Variants in RBFOX2 observed in about 807,000 individuals in gnomAD.
The protein encoded by RBFOX2 is RNA binding fox-1 homolog 2.
In RBFOX2, 10 loss-of-function variants were observed where a neutral mutation model predicts 49.1. That is an observed-to-expected ratio of 0.20 (90% CI 0.13 to 0.35). The LOEUF (loss-of-function observed/expected upper bound fraction) is 0.35, where lower values mean the gene tolerates loss of function less well. Ranked by LOEUF, RBFOX2 falls within the 10% of genes least tolerant of loss-of-function variation. The pLI is 1.00. For missense variants in RBFOX2, 323 were observed against 486.9 expected (o/e 0.66, Z 3.17); for synonymous variants, 183 against 187.4 (o/e 0.98, Z 0.19).
intron 9 of RBFOX2, among the ~76,000 whole-genome samples, chr22:35,753,708 AG>A (rs1213161124): frequency 6.6e-6 from 1 of 151,232 alleles, no homozygotes; most frequent in Non-Finnish European, 1.5e-5. Context: ...TTGTAAAGTA[AG>A]GAAGTAAGAT....
At chr22:36,012,922 G>A (rs530842595) in intron 1 of RBFOX2, among the ~76,000 whole-genome samples, 1 of 151,988 alleles carries the variant, frequency 6.6e-6, no homozygotes, top group African/African-American at 2.4e-5. Context: ...CTGCCACTAC[G>A]CCCAGCAAAT....
intron 1 of RBFOX2, among the ~76,000 whole-genome samples, chr22:35,936,346 C>T (rs2053070668): frequency 6.6e-6 from 1 of 151,944 alleles, no homozygotes; most frequent in African/African-American, 2.4e-5. Flanking sequence ...GCTGAGGAGA[C>T]GTAAAGATCA....
intron 1 of RBFOX2, among the ~76,000 whole-genome samples, chr22:35,923,325 T>C (rs1001355439): frequency 6.6e-6 from 1 of 151,692 alleles, no homozygotes; most frequent in Non-Finnish European, 1.5e-5. Context: ...CTCCAGGCCT[T>C]TCATATCTTT....
chr22:35,920,746 T>C (rs1330629870), intron 1 of RBFOX2, among the ~76,000 whole-genome samples: 1 of 152,214 alleles, frequency 6.6e-6, no homozygotes, highest in Non-Finnish European at 1.5e-5. Context: ...CATGAAATGA[T>C]GCAGCAGACA....
intron 1 of RBFOX2, among the ~76,000 whole-genome samples, chr22:35,954,929 G>C (rs940924522): frequency 6.6e-6 from 1 of 152,182 alleles, no homozygotes; most frequent in Non-Finnish European, 1.5e-5. Context: ...ACTCACAGTA[G>C]GTAAGACTTG....
intron 1 of RBFOX2, among the ~76,000 whole-genome samples, chr22:35,836,959 CAAA>C (rs1957787744): frequency 1.3e-5 from 2 of 152,046 alleles, no homozygotes; most frequent in South Asian, 4.2e-4. Context: ...TCTATATGCC[CAAA>C]AAATAAGAGA....
In RBFOX2 at chr22:35,761,477, C is replaced by T. The variant is rs1367832132; in HGVS notation, c.608-9G>A. The T allele has an allele frequency of 1.2e-6, 2 of 1,613,780 alleles. No individual in the cohort carries two copies. Among genetic ancestry groups the T allele is most frequent in the Non-Finnish European group, 1.7e-6 (2 of 1,179,874 alleles). ...TGGGCTTAATTTCCAACCTGAAACA[C>T]ACAAAATGGAAGGTAAGCATTTAAG... On this transcript the variant is annotated splice_polypyrimidine_tract_variant and intron_variant, in intron 6 of 11. Coordinates refer to ENST00000405409, the Ensembl canonical transcript of RBFOX2.
intron 2 of RBFOX2, among the ~76,000 whole-genome samples, chr22:35,789,145 C>CA (rs879845004): frequency 4.6e-5 from 7 of 151,746 alleles, no homozygotes; most frequent in African/African-American, 1.7e-4. Flanking sequence ...AGATCTGAGA[C>CA]AGTGATATTT....
rs533755258 is a variant in RBFOX2 at position 35,810,243 on chromosome 22, A to G, written c.28-239T>C. ...CACACACTCACTTTTGTTAATGTGTAGTTACTAGACAGGCCCACAACCATA... is the reference window on the plus strand; with the variant it reads ...CACACACTCACTTTTGTTAATGTGTGGTTACTAGACAGGCCCACAACCATA... On this transcript the variant is annotated intron_variant, in intron 1 of 11. Transcript: ENST00000405409. 1.1e-4 allele frequency among the ~76,000 whole-genome samples: 17 copies of G among 150,390 alleles called. No homozygotes were observed. The South Asian group carries it at 2.3e-3, about 21-fold the overall frequency.
chr22:35,813,097 A>G (rs1238504681), intron 1 of RBFOX2, among the ~76,000 whole-genome samples: 4 of 152,194 alleles, frequency 2.6e-5, no homozygotes, highest in African/African-American at 4.8e-5. Context: ...TTATTTTGTT[A>G]CTTACAGAAA....
At chr22:35,802,614 A>T (rs1949984380) in intron 2 of RBFOX2, among the ~76,000 whole-genome samples, 1 of 152,136 alleles carries the variant, frequency 6.6e-6, no homozygotes, top group South Asian at 2.1e-4. Context: ...CAAGGGGGAG[A>T]TTGAAGGAGT....
chr22:35,840,008 C>T (rs553604201), intron 1 of RBFOX2, among the ~76,000 whole-genome samples: 3 of 152,226 alleles, frequency 2.0e-5, no homozygotes, highest in South Asian at 2.1e-4. Context: ...AGAAAGGATA[C>T]GGATACATAA....
chr22:36,018,018 A>T (rs1424784874), intron 1 of RBFOX2, among the ~76,000 whole-genome samples: 1 of 152,228 alleles, frequency 6.6e-6, no homozygotes, highest in Non-Finnish European at 1.5e-5. Context: ...AAAGCAGACC[A>T]AGGGCCAGAC....
chr22:35,800,913 G>C (rs1487262114), intron 2 of RBFOX2, among the ~76,000 whole-genome samples: 8 of 152,180 alleles, frequency 5.3e-5, no homozygotes. Context: ...ACACGAATTT[G>C]GCTTTGCCTA....
intron 1 of RBFOX2, among the ~76,000 whole-genome samples, chr22:36,008,512 CT>C (rs1307248784): frequency 2.0e-5 from 3 of 152,006 alleles, no homozygotes; most frequent in Non-Finnish European, 4.4e-5. Context: ...ATGGTTTCTC[CT>C]AGAGGTTTAA....
exon 1 of RBFOX2, chr22:36,028,481 C>G: frequency 1.8e-6 from 2 of 1,125,936 alleles, no homozygotes; most frequent in Non-Finnish European, 2.2e-6. Flanking sequence ...GGCCACCTCC[C>G]CCTGGGCCTC....
exon 1 of RBFOX2, chr22:35,961,645 TC>T (rs1490053911): frequency 7.7e-7 from 1 of 1,303,918 alleles, no homozygotes; most frequent in African/African-American, 1.5e-5. Flanking sequence ...CCTGCTGCTC[TC>T]CCCTTGCACA....
intron 1 of RBFOX2, among the ~76,000 whole-genome samples, chr22:35,931,229 A>G: frequency 6.6e-6 from 1 of 152,112 alleles, no homozygotes; most frequent in African/African-American, 2.4e-5. Flanking sequence ...AAAGGCTGAA[A>G]GTGGGGTTCT....
At chr22:35,840,329 AATTG>A in exon 1 of RBFOX2, 1 of 1,559,878 alleles carries the variant, frequency 6.4e-7, no homozygotes, top group Non-Finnish European at 8.8e-7. Flanking sequence ...AAGGGTGGGT[AATTG>A]ATCTCTCTTT....
Sources: gnomAD v4.1 joint callset for allele counts (sites outside exome capture counted in the v4.1 genomes callset) on GRCh38, gnomAD v4.1.1 for gene constraint, MANE v1.5 for transcripts, NCBI Gene and HGNC (gene_info 2026-07-23, HGNC 2026-07-21) for gene names.